Variants in EPHA3 observed in about 807,000 individuals in gnomAD.
The protein encoded by EPHA3 is ephrin type-A receptor 3.
Under a neutral mutation model 107.1 loss-of-function variants are expected in EPHA3, and 42 were observed. The observed-to-expected ratio is 0.39, with a 90% CI of 0.31 to 0.51. EPHA3 has a LOEUF of 0.51. Ranked by LOEUF, EPHA3 falls within the 20% of genes least tolerant of loss-of-function variation. EPHA3 has a pLI of 0.78. For missense variants in EPHA3, 1,183 were observed against 1,211.2 expected (o/e 0.98, Z 0.35); for synonymous variants, 461 against 424.8 (o/e 1.09, Z -1.05).
rs779599137 is a variant in EPHA3, at chr3:89,341,844, C to G, written c.1060C>G (p.Arg354Gly). 6.2e-7 allele frequency: 1 copy of G among 1,613,490 alleles called. No homozygotes were observed. Among genetic ancestry groups the G allele is most frequent in the Non-Finnish European group, 8.5e-7 (1 of 1,179,958 alleles). ...GAGTTGGCCCCTGGACACAGGAGGC[C>G]GGAAAGATGTTACCTTCAACATCAT... ...DWSWPLDTGG[R>G]KDVTFNIICK... Residue 354 changes from arginine (R) to glycine (G), a missense_variant, in exon 5 of 17, where the codon CGG (arginine) becomes GGG (glycine). Coordinates refer to ENST00000336596, the MANE Select transcript of EPHA3 (RefSeq NM_005233.6).
At chr3:89,260,856 T>G (rs1483012960) in intron 3 of EPHA3, among the ~76,000 whole-genome samples, 1 of 152,214 alleles carries the variant, frequency 6.6e-6, no homozygotes, top group South Asian at 2.1e-4. Flanking sequence ...GAATGGCTGC[T>G]TTTTCCCATT....
intron 3 of EPHA3, among the ~76,000 whole-genome samples, chr3:89,242,190 T>C (rs1025482292): frequency 9.9e-5 from 15 of 152,204 alleles, no homozygotes; most frequent in Middle Eastern, 3.4e-3. Flanking sequence ...AGCTGCTGAG[T>C]TTTAAAGTGA....
At chr3:89,178,753 A>T (rs1245628917) in intron 2 of EPHA3, among the ~76,000 whole-genome samples, 1 of 151,868 alleles carries the variant, frequency 6.6e-6, no homozygotes, top group East Asian at 1.9e-4. Context: ...TTGAGTCCAT[A>T]ACTTCTATTT....
At chr3:89,340,464 C>T (rs1345150533) in intron 3 of EPHA3, among the ~76,000 whole-genome samples, 1 of 152,158 alleles carries the variant, frequency 6.6e-6, no homozygotes, top group Non-Finnish European at 1.5e-5. Context: ...CTTTCAGTTG[C>T]TTACACTTTG....
chr3:89,119,288 G>C (rs1462932845), intron 1 of EPHA3, among the ~76,000 whole-genome samples: 1 of 152,052 alleles, frequency 6.6e-6, no homozygotes, highest in Non-Finnish European at 1.5e-5. Flanking sequence ...AAAAACTTCT[G>C]TAGGTGCTAT....
At chr3:89,112,650 A>G (rs1707140964) in intron 1 of EPHA3, among the ~76,000 whole-genome samples, 2 of 152,142 alleles carry the variant, frequency 1.3e-5, no homozygotes, top group Admixed American at 6.5e-5. Context: ...ATGAAAAAAA[A>G]AAGAAGTGTT....
At chr3:89,364,483 T>G (rs562093748) in intron 5 of EPHA3, among the ~76,000 whole-genome samples, 1 of 151,192 alleles carries the variant, frequency 6.6e-6, no homozygotes, top group African/African-American at 2.4e-5. Context: ...TCTTTCCCAG[T>G]TGCAAGGCTG....
intron 5 of EPHA3, among the ~76,000 whole-genome samples, chr3:89,382,616 A>G (rs1708535413): frequency 6.6e-6 from 1 of 152,096 alleles, no homozygotes; most frequent in Non-Finnish European, 1.5e-5. Context: ...GGATGGGAGC[A>G]TTTATTGTGG....
chr3:89,164,180 T>A (rs1399760828), intron 2 of EPHA3, among the ~76,000 whole-genome samples: 1 of 152,214 alleles, frequency 6.6e-6, no homozygotes, highest in African/African-American at 2.4e-5. Flanking sequence ...TCCAATCTTT[T>A]GTCTCCCCTG....
chr3:89,122,153 T>G (rs1313195056), intron 1 of EPHA3, among the ~76,000 whole-genome samples: 2 of 152,216 alleles, frequency 1.3e-5, no homozygotes, highest in Non-Finnish European at 2.9e-5. Context: ...GCAAAGTTAT[T>G]CTGCTTATTA....
intron 3 of EPHA3, among the ~76,000 whole-genome samples, chr3:89,216,208 C>T (rs908547924): frequency 1.1e-4 from 16 of 151,912 alleles, no homozygotes; most frequent in Non-Finnish European, 2.1e-4. Flanking sequence ...TCACTATGAG[C>T]ATCTGAGGCA....
At chr3:89,240,843 T>C (rs540613698) in intron 3 of EPHA3, among the ~76,000 whole-genome samples, 9 of 152,022 alleles carry the variant, frequency 5.9e-5, no homozygotes, top group Non-Finnish European at 1.2e-4. Flanking sequence ...TTTGAGACAA[T>C]TGAGTTCAAT....
chr3:89,418,154 C>T (rs1709284422), intron 10 of EPHA3, among the ~76,000 whole-genome samples: 2 of 151,358 alleles, frequency 1.3e-5, no homozygotes. Context: ...GATTATGATT[C>T]CACTCCATCA....
chr3:89,477,750 GTTTC>G (rs1302102470), intron 16 of EPHA3, among the ~76,000 whole-genome samples: 3 of 151,542 alleles, frequency 2.0e-5, no homozygotes, highest in Non-Finnish European at 4.4e-5. Context: ...TATTTTGTAT[GTTTC>G]TTTCTTTAGC....
chr3:89,197,529 T>A (rs1208286813), intron 2 of EPHA3, among the ~76,000 whole-genome samples: 1 of 152,102 alleles, frequency 6.6e-6, no homozygotes, highest in Non-Finnish European at 1.5e-5. Flanking sequence ...ATTTTACTTT[T>A]AAAAAAGATA....
chr3:89,329,461 G>T (rs1228249180), intron 3 of EPHA3, among the ~76,000 whole-genome samples: 1 of 151,926 alleles, frequency 6.6e-6, no homozygotes, highest in Non-Finnish European at 1.5e-5. Flanking sequence ...TTTTATATTT[G>T]CCAACTATAA....
At chr3:89,270,157 G>T (rs1345961001) in intron 3 of EPHA3, among the ~76,000 whole-genome samples, 1 of 151,956 alleles carries the variant, frequency 6.6e-6, no homozygotes, top group South Asian at 2.1e-4. Context: ...TTATATAAAA[G>T]ATTCATTAAT....
chr3:89,227,594 A>G (rs556061817), intron 3 of EPHA3, among the ~76,000 whole-genome samples: 5 of 151,992 alleles, frequency 3.3e-5, no homozygotes, highest in African/African-American at 4.8e-5. Flanking sequence ...AAAATTTCTC[A>G]ATTACCTTGT....
At chr3:89,444,226 A>G (rs1709836823) in intron 13 of EPHA3, among the ~76,000 whole-genome samples, 1 of 152,200 alleles carries the variant, frequency 6.6e-6, no homozygotes, top group Non-Finnish European at 1.5e-5. Flanking sequence ...TGCAATTGAT[A>G]TGACAGGCAC....
Sources: allele counts gnomAD v4.1 joint callset (sites outside exome capture counted in the v4.1 genomes callset), GRCh38; gene constraint gnomAD v4.1.1; transcripts MANE v1.5; gene names NCBI Gene and HGNC (gene_info 2026-07-23, HGNC 2026-07-21).